The following SLCO5A1 variants were observed in gnomAD, a reference collection of about 807,000 sequenced individuals.
SLCO5A1 encodes the protein solute carrier organic anion transporter family member 5A1.
A neutral mutation model predicts 65.1 loss-of-function variants in SLCO5A1; 39 were observed. The observed-to-expected ratio is 0.60, with a 90% CI of 0.46 to 0.78. The LOEUF is 0.78. SLCO5A1 is among the 30% of genes least tolerant of loss of function. The pLI is 0.00. For missense variants in SLCO5A1, 1,029 were observed against 1,069.4 expected (o/e 0.96, Z 0.53); for synonymous variants, 438 against 415.7 (o/e 1.05, Z -0.65).
At chr8:69,706,018 A>G (rs1031166076) in intron 5 of SLCO5A1, among the ~76,000 whole-genome samples, 7 of 152,258 alleles carry the variant, frequency 4.6e-5, no homozygotes, top group African/African-American at 1.7e-4. Context: ...ATTGTAAAAA[A>G]CTGGAAATAA....
intron 2 of SLCO5A1, among the ~76,000 whole-genome samples, chr8:69,824,986 T>G (rs1393452514): frequency 2.6e-5 from 4 of 152,028 alleles, no homozygotes; most frequent in African/African-American, 4.8e-5. Context: ...CGCAAATCAA[T>G]AAATGTAATC....
intron 3 of SLCO5A1, among the ~76,000 whole-genome samples, chr8:69,756,236 C>A (rs1194816744): frequency 6.6e-6 from 1 of 152,122 alleles, no homozygotes; most frequent in African/African-American, 2.4e-5. Flanking sequence ...GAAACCCTGT[C>A]TCTACTAGAA....
chr8:69,679,082 C>T (rs1453107212), intron 8 of SLCO5A1, among the ~76,000 whole-genome samples: 3 of 152,148 alleles, frequency 2.0e-5, no homozygotes, highest in Non-Finnish European at 4.4e-5. Flanking sequence ...TGAAGTTGAA[C>T]CTCGTAGGGC....
chr8:69,831,879 A>C lies in SLCO5A1; in HGVS notation c.795T>G (p.Ala265=). 1 of 1,613,324 alleles carries C rather than the reference A, an allele frequency of 6.2e-7. No homozygotes were observed. The part of the protein sequence containing the change: ...SGGNNHWVYV[A]LFICAQILIG... ...TGAGAATCTGCGCGCAAATGAATAA[A>C]GCCACGTAGACCCAGTGATTATTTC... Residue 265 remains alanine, a synonymous_variant, in exon 2 of 10, where the codon GCT becomes GCG. Transcript: ENST00000260126.
chr8:69,743,929 G>C (rs772008859), intron 4 of SLCO5A1, among the ~76,000 whole-genome samples: 2 of 152,254 alleles, frequency 1.3e-5, no homozygotes, highest in South Asian at 2.1e-4. Context: ...ATTTGAGTGA[G>C]AGACAAAAGT....
intron 2 of SLCO5A1, among the ~76,000 whole-genome samples, chr8:69,818,649 G>A (rs1381945589): frequency 6.6e-6 from 1 of 152,210 alleles, no homozygotes; most frequent in Non-Finnish European, 1.5e-5. Context: ...TTTCCACAGT[G>A]AGGCACTAAA....
chr8:69,713,329 T>C (rs1250632699), intron 5 of SLCO5A1: 1 of 152,244 alleles, frequency 6.6e-6, no homozygotes, highest in Non-Finnish European at 1.5e-5. Context: ...GGAATATCAT[T>C]GTAAGCCATC....
intron 5 of SLCO5A1, among the ~76,000 whole-genome samples, chr8:69,710,172 C>T (rs1034197272): frequency 2.6e-5 from 4 of 151,978 alleles, no homozygotes; most frequent in African/African-American, 4.8e-5. Flanking sequence ...GCGCTGGCAA[C>T]CACGACCGGC....
intron 2 of SLCO5A1, among the ~76,000 whole-genome samples, chr8:69,806,211 C>T (rs902195110): frequency 1.4e-4 from 22 of 152,166 alleles, no homozygotes; most frequent in African/African-American, 5.3e-4. Flanking sequence ...TTACACATTA[C>T]AGTTCTCAAG....
At chr8:69,823,015 C>A (rs886764525) in intron 2 of SLCO5A1, among the ~76,000 whole-genome samples, 2 of 152,176 alleles carry the variant, frequency 1.3e-5, no homozygotes, top group African/African-American at 2.4e-5. Context: ...CTGAATATCA[C>A]CCAATCAGAG....
At chr8:69,708,868 C>G (rs1156404299) in intron 5 of SLCO5A1, among the ~76,000 whole-genome samples, 1 of 152,028 alleles carries the variant, frequency 6.6e-6, no homozygotes, top group African/African-American at 2.4e-5. Flanking sequence ...GACTGCATCA[C>G]TGCACTCCAG....
chr8:69,831,919 G>A lies in SLCO5A1; in HGVS notation c.755C>T (p.Pro252Leu), dbSNP rs750447503. 6.2e-7 allele frequency: 1 copy of A among 1,606,852 alleles called. No homozygotes were observed. The highest frequency in any genetic ancestry group is 1.1e-5 in the South Asian group (1 of 89,754). Residue 252 changes from proline (P) to leucine (L), a missense_variant, in exon 2 of 10, where the codon CCG becomes CTG. This residue lies in a region of SLCO5A1 where 647 missense variants were observed against 647.5 expected (regional missense o/e 1.00). Transcript: ENST00000260126. ...GTGATTATTTCCTCCCGAGTCCTTC[G>A]GACAGGCCGGAGGCTCCAAAGTGGC... ...STATLEPPACPKDSGGNNHWV... is the reference protein window; with the variant it reads ...STATLEPPACLKDSGGNNHWV...
chr8:69,813,592 C>T (rs1037630181), intron 2 of SLCO5A1, among the ~76,000 whole-genome samples: 2 of 152,148 alleles, frequency 1.3e-5, no homozygotes, highest in African/African-American at 4.8e-5. Flanking sequence ...GACTACCTAA[C>T]TCCCCAGGGA....
In SLCO5A1 at chr8:69,751,738, G is replaced by A. The variant is rs562754819; in HGVS notation, c.1258+3686C>T. 1.6e-3 allele frequency among the ~76,000 whole-genome samples: 242 copies of A among 151,972 alleles called. 1 individual carries two copies. The highest frequency in any genetic ancestry group is 2.4e-3 in the Non-Finnish European group (164 of 67,962). On this transcript the variant is annotated intron_variant, in intron 4 of 9. Transcript: ENST00000260126. ...ATTTTTTTATTTTAAGTAGAGACTC[G>A]GTTTTGCCATGTTGGCCAGGTTGGT... is the stretch of plus-strand genomic sequence containing the variant.
chr8:69,715,877 GT>G (rs1211533774), intron 5 of SLCO5A1, among the ~76,000 whole-genome samples: 1 of 152,032 alleles, frequency 6.6e-6, no homozygotes, highest in African/African-American at 2.4e-5. Context: ...ACAGTTTAAT[GT>G]TTTTAGTATA....
intron 6 of SLCO5A1, among the ~76,000 whole-genome samples, chr8:69,687,590 C>T (rs1027585029): frequency 6.6e-6 from 1 of 152,026 alleles, no homozygotes; most frequent in Non-Finnish European, 1.5e-5. Context: ...TAAAGTAATA[C>T]ATACTCATTG....
chr8:69,682,952 T>C (rs1813845799), intron 6 of SLCO5A1, among the ~76,000 whole-genome samples: 1 of 152,116 alleles, frequency 6.6e-6, no homozygotes, highest in South Asian at 2.1e-4. Flanking sequence ...AACCAGAGAA[T>C]AAAGATTAAG....
chr8:69,679,510 T>C lies in SLCO5A1; in HGVS notation c.1892A>G (p.Asn631Ser). 1.2e-6 allele frequency: 2 copies of C among 1,614,230 alleles called. No homozygotes were observed. The highest frequency in any genetic ancestry group is 1.7e-6 in the Non-Finnish European group (2 of 1,180,038). Residue 631 changes from asparagine to serine, a missense_variant, in exon 8 of 10, where the codon AAT (asparagine) becomes AGT (serine). Transcript: ENST00000260126. ...CCCAGACACAGCATAGCCGTTCTCA[T>C]TGAGATAAGTCTTGACAATAACCAC... ...LRVVIVKTYL[N>S]ENGYAVSGKC... is the part of the protein sequence containing the mutation.
intron 2 of SLCO5A1, among the ~76,000 whole-genome samples, chr8:69,830,060 G>C (rs545823551): frequency 6.6e-6 from 1 of 152,188 alleles, no homozygotes; most frequent in African/African-American, 2.4e-5. Flanking sequence ...AGGCAAGATG[G>C]TAAGCAAGCT....
Sources: allele counts gnomAD v4.1 joint callset (sites outside exome capture counted in the v4.1 genomes callset), GRCh38; gene constraint gnomAD v4.1.1; regional missense constraint gnomAD v4.1.1; transcripts MANE v1.5; gene names NCBI Gene and HGNC (gene_info 2026-07-23, HGNC 2026-07-21).